ALKBH1: variants seen among roughly 807,000 people sequenced by gnomAD.
ALKBH1 encodes the protein alkB homolog 1, histone H2A dioxygenase.
Under a neutral mutation model 36.6 loss-of-function variants are expected in ALKBH1, and 31 were observed. The observed-to-expected ratio is 0.85, with a 90% CI of 0.64 to 1.14. The LOEUF (loss-of-function observed/expected upper bound fraction) is 1.14. ALKBH1 is among the 50% of genes most tolerant of loss of function. ALKBH1 has a pLI of 0.00. For synonymous variants in ALKBH1, 183 were observed against 186.6 expected, an observed-to-expected ratio of 0.98 and a Z score of 0.16; for missense variants, 490 against 497.3, an observed-to-expected ratio of 0.99 and a Z score of 0.14.
At chr14:77,680,613 A>G (rs2080231437) in intron 3 of ALKBH1, among the ~76,000 whole-genome samples, 2 of 152,006 alleles carry the variant, frequency 1.3e-5, no homozygotes, top group Admixed American at 1.3e-4. Context: ...AGGTTTCTGT[A>G]CAACCGAGAC....
intron 3 of ALKBH1, chr14:77,684,002 C>T (rs1255641034): frequency 6.5e-6 from 1 of 152,692 alleles, no homozygotes; most frequent in Non-Finnish European, 1.5e-5. Context: ...TCGCAAATTA[C>T]TGGAAGATGG....
At chr14:77,679,686 C>T (rs1328892991) in intron 4 of ALKBH1, among the ~76,000 whole-genome samples, 194 bp downstream of exon 4, 1 of 152,192 alleles carries the variant, frequency 6.6e-6, no homozygotes, top group Non-Finnish European at 1.5e-5. Context: ...CCACCTCAGC[C>T]TCCCAAAGTG....
chr14:77,705,387 G>A (rs2080382938), intron 1 of ALKBH1, among the ~76,000 whole-genome samples: 1 of 134,286 alleles, frequency 7.4e-6, no homozygotes, highest in Admixed American at 8.6e-5. Flanking sequence ...CTCCAGCCTA[G>A]GAACAGAGCA....
intron 2 of ALKBH1, among the ~76,000 whole-genome samples, chr14:77,699,850 C>T (rs1038946188): frequency 2.0e-5 from 3 of 152,080 alleles, no homozygotes; most frequent in African/African-American, 7.2e-5. Context: ...GTCAGGAGAT[C>T]AAGACCATCC....
At chr14:77,686,620 T>C (rs1381850903) in intron 3 of ALKBH1, among the ~76,000 whole-genome samples, 1 of 152,124 alleles carries the variant, frequency 6.6e-6, no homozygotes, top group African/African-American at 2.4e-5. Flanking sequence ...GCATTTCTCT[T>C]AGCAATTGTT....
intron 3 of ALKBH1, among the ~76,000 whole-genome samples, chr14:77,681,925 T>G (rs764279994): frequency 6.6e-6 from 1 of 152,232 alleles, no homozygotes; most frequent in Non-Finnish European, 1.5e-5. Context: ...TTTGGAGGCA[T>G]GCACCTGGTT....
Position 77,703,831 on chromosome 14 carries a change from C to T in ALKBH1, c.292+538G>A, listed in dbSNP as rs773285538. Among the ~76,000 whole-genome samples the T allele has an allele frequency of 4.2e-4, 64 of 152,224 alleles. 1 individual carries two copies. The highest frequency in any genetic ancestry group is 4.7e-4 in the Non-Finnish European group (32 of 68,010). ...CAGGCTCGTCTTGACCTCCTGACCT[C>T]AGGTGATCCACCCACCTTGGCATCT... is the stretch of plus-strand genomic sequence containing the variant. On this transcript the variant is annotated intron_variant, in intron 2 of 5. Coordinates refer to ENST00000216489, the MANE Select transcript of ALKBH1 (RefSeq NM_006020.3).
intron 3 of ALKBH1, among the ~76,000 whole-genome samples, chr14:77,682,213 G>C (rs991664884): frequency 6.6e-6 from 1 of 152,046 alleles, no homozygotes; most frequent in African/African-American, 2.4e-5. Flanking sequence ...CATAAAAACT[G>C]AAATATGAAA....
At chr14:77,682,195 T>C (rs1177861134) in intron 3 of ALKBH1, among the ~76,000 whole-genome samples, 1 of 152,222 alleles carries the variant, frequency 6.6e-6, no homozygotes, top group Non-Finnish European at 1.5e-5. Flanking sequence ...CCACACATTA[T>C]TTTTGTGCAT....
rs1473358794 is a variant in ALKBH1, at chr14:77,686,254, T to A, written c.456-6284A>T. 2.0e-5 allele frequency among the ~76,000 whole-genome samples: 3 copies of A among 152,152 alleles called. No homozygotes were observed. The East Asian group carries it at 5.8e-4, about 29-fold the overall frequency. On this transcript the variant is annotated intron_variant, in intron 3 of 5. Coordinates refer to ENST00000216489, the MANE Select transcript of ALKBH1 (RefSeq NM_006020.3). ...CATGCTTCCGGATCATTTTTAAGCA[T>A]AAAATACTGAGAGAATCACTGAAGG... is the stretch of plus-strand genomic sequence containing the variant.
rs767654429 is a variant in ALKBH1 at position 77,707,839 on chromosome 14, C to A, written c.166G>T (p.Gly56Cys). The A allele has an allele frequency of 6.2e-7, 1 of 1,610,366 alleles. No individual in the cohort carries two copies. The highest frequency in any genetic ancestry group is 1.3e-5 in the African/African-American group (1 of 74,844). ...FSAAHAARGK[G>C]PGAQKVIKSQ... The stretch of plus-strand genomic sequence containing the variant: ...CTCTGTACCTTTTGGGCACCAGGAC[C>A]CTTGCCACGGGCTGCGTGGGCCGCC... Residue 56 changes from glycine to cysteine, a missense_variant, in exon 1 of 6, where the codon GGT becomes TGT. Gly to Cys is a radical substitution (Grantham distance 159). Transcript: ENST00000216489.
chr14:77,674,356 A>G, intron 5 of ALKBH1, 115 bp from the exon 6 acceptor site: 1 of 1,190,142 alleles, frequency 8.4e-7, no homozygotes, highest in South Asian at 1.6e-5. Flanking sequence ...GTTGATATTT[A>G]TTGCTCCCAA....
At chr14:77,679,824 T>G (rs367848738) in intron 4 of ALKBH1, 56 bp downstream of exon 4, 1 of 1,277,338 alleles carries the variant, frequency 7.8e-7, no homozygotes, top group Non-Finnish European at 1.1e-6. Flanking sequence ...AATACAACTA[T>G]GTGGGCTAAA....
chr14:77,693,688 A>C (rs1206107506), intron 3 of ALKBH1, among the ~76,000 whole-genome samples: 1 of 152,134 alleles, frequency 6.6e-6, no homozygotes, highest in African/African-American at 2.4e-5. Flanking sequence ...ATAACCCAAT[A>C]AAAAAATCAT....
intron 3 of ALKBH1, among the ~76,000 whole-genome samples, chr14:77,693,488 T>C (rs909422835): frequency 1.6e-4 from 25 of 152,314 alleles, no homozygotes; most frequent in South Asian, 1.0e-3. Context: ...AGAAACTCAA[T>C]AGATAACAAC....
At chr14:77,706,741 A>T (rs1285729773) in intron 1 of ALKBH1, among the ~76,000 whole-genome samples, 1 of 152,214 alleles carries the variant, frequency 6.6e-6, no homozygotes, top group Admixed American at 6.5e-5. Flanking sequence ...GGAGAGAAAA[A>T]GTATATTATT....
At chr14:77,678,251 C>T (rs2080216943) in intron 4 of ALKBH1, among the ~76,000 whole-genome samples, 4 of 152,076 alleles carry the variant, frequency 2.6e-5, no homozygotes, top group African/African-American at 9.7e-5. Flanking sequence ...GATTCAAACT[C>T]AGGCTGTCTA....
At chr14:77,685,767 C>A (rs79929003) in intron 3 of ALKBH1, among the ~76,000 whole-genome samples, 1 of 151,016 alleles carries the variant, frequency 6.6e-6, no homozygotes, top group Non-Finnish European at 1.5e-5. Flanking sequence ...GACCCTGTCT[C>A]GGGGGGGAAA....
At chr14:77,703,593 CTTTTTT>C (rs200488919) in intron 2 of ALKBH1, among the ~76,000 whole-genome samples, 17 of 112,876 alleles carry the variant, frequency 1.5e-4, no homozygotes, top group Admixed American at 3.0e-4. Flanking sequence ...CTGCGTCCAG[CTTTTTT>C]TTTTTTTTTT....
Sources: gnomAD v4.1 joint callset for allele counts (sites outside exome capture counted in the v4.1 genomes callset) on GRCh38, gnomAD v4.1.1 for gene constraint, MANE v1.5 for transcripts, NCBI Gene and HGNC (gene_info 2026-07-23, HGNC 2026-07-21) for gene names.